DMD: variants seen among roughly 807,000 people sequenced by gnomAD.
DMD encodes mutant dystrophin.
DMD carries 63 observed loss-of-function variants against 330.1 expected under a neutral mutation model. The ratio of observed to expected loss-of-function variants is 0.19; its 90% confidence interval spans 0.16 to 0.24. The LOEUF is 0.24. Among genes scored for constraint, DMD ranks in the 10% least tolerant of loss-of-function variants. The probability of loss-of-function intolerance (pLI) is 1.00; values close to 1 mark genes in which losing one functional copy is unlikely to be tolerated. For missense variants in DMD, 3,344 were observed against 2,684.1 expected (o/e 1.25, Z -5.43); for synonymous variants, 1,223 against 959.8 (o/e 1.27, Z -5.07).
chrX:32,313,547 G>A (rs1244947248), intron 41 of DMD, among the ~76,000 whole-genome samples: 2 of 111,207 alleles, frequency 1.8e-5, no homozygotes, highest in Non-Finnish European at 3.8e-5. Flanking sequence ...GGAAGTCCTG[G>A]CCAGGGCAAT....
At chrX:31,304,112 A>G (rs1288646155) in intron 62 of DMD, among the ~76,000 whole-genome samples, 3 of 112,350 alleles carry the variant, frequency 2.7e-5, no homozygotes, top group Admixed American at 9.5e-5. Flanking sequence ...TTCTGAAAGC[A>G]GTAACAAGTA....
intron 47 of DMD, among the ~76,000 whole-genome samples, chrX:31,928,165 G>A (rs1359727755): frequency 9.0e-6 from 1 of 111,584 alleles, no homozygotes. Flanking sequence ...GACACAAAGT[G>A]GCAAATATAT....
chrX:31,830,361 G>A (rs759805216), intron 49 of DMD, among the ~76,000 whole-genome samples: 8 of 112,562 alleles, frequency 7.1e-5, no homozygotes, highest in Non-Finnish European at 1.5e-4. Context: ...TTGGGAGGCC[G>A]AGGCAGCCTG....
intron 44 of DMD, among the ~76,000 whole-genome samples, chrX:32,047,756 T>G (rs944447942): frequency 1.8e-5 from 2 of 111,290 alleles, no homozygotes; most frequent in African/African-American, 6.5e-5. Context: ...ATTATGTATT[T>G]CCATGAAATA....
At position 32,565,892 on chromosome X, in the gene DMD, A is replaced by C. The variant is rs1286504984; in HGVS notation, c.1813-11T>G. On this transcript the variant is annotated splice_polypyrimidine_tract_variant and intron_variant, in intron 15 of 78. Coordinates refer to ENST00000357033, the MANE Select transcript of DMD (RefSeq NM_004006.3). ...ATCCGCTTTTAAAACCTGTTAAAAC[A>C]AGAAAGATCACAGAATAAGCCTGGG... 1 of 1,201,509 alleles carries C rather than the reference A, an allele frequency of 8.3e-7. No homozygotes were observed. Among genetic ancestry groups the C allele is most frequent in the South Asian group, 1.8e-5 (1 of 56,454 alleles).
chrX:31,466,693 T>A (rs1021178862), intron 59 of DMD, among the ~76,000 whole-genome samples: 2 of 111,965 alleles, frequency 1.8e-5, no homozygotes, highest in Non-Finnish European at 3.8e-5. Context: ...TCTAATTATG[T>A]GAAGAAAGTC....
intron 21 of DMD, 94 bp downstream of exon 21, chrX:32,484,825 A>C: frequency 3.2e-6 from 3 of 930,973 alleles, no homozygotes; most frequent in Non-Finnish European, 4.5e-6. Flanking sequence ...TTCCATTTAC[A>C]GAAATTATTG....
At chrX:31,822,487 A>G (rs1243272351) in intron 49 of DMD, among the ~76,000 whole-genome samples, 1 of 111,670 alleles carries the variant, frequency 9.0e-6, no homozygotes, top group Admixed American at 9.5e-5. Context: ...CACAGAGTAG[A>G]TGGAAGTGTT....
intron 51 of DMD, among the ~76,000 whole-genome samples, chrX:31,755,473 C>T (rs2088987309): frequency 9.0e-6 from 1 of 111,568 alleles, no homozygotes; most frequent in African/African-American, 3.3e-5. Flanking sequence ...ACCTTTTATA[C>T]GGAGTATGAC....
intron 7 of DMD, among the ~76,000 whole-genome samples, chrX:32,723,036 C>G (rs749272923): frequency 1.8e-5 from 2 of 110,912 alleles, no homozygotes; most frequent in African/African-American, 6.5e-5. Flanking sequence ...AGTACAACCA[C>G]CCCACAACCA....
intron 44 of DMD, among the ~76,000 whole-genome samples, chrX:32,123,716 T>C (rs1412430176): frequency 4.5e-5 from 5 of 111,885 alleles, no homozygotes; most frequent in African/African-American, 1.3e-4. Flanking sequence ...TGAGCTCCTT[T>C]AAACATTGTG....
intron 9 of DMD, among the ~76,000 whole-genome samples, chrX:32,645,442 T>A (rs919297702): frequency 8.9e-6 from 1 of 112,281 alleles, no homozygotes; most frequent in South Asian, 3.6e-4. Flanking sequence ...GCTTTTTAAA[T>A]GCTATAAATA....
intron 60 of DMD, among the ~76,000 whole-genome samples, chrX:31,357,851 G>A (rs990785560): frequency 2.7e-5 from 3 of 111,592 alleles, no homozygotes; most frequent in Non-Finnish European, 3.8e-5. Flanking sequence ...TCAATAAACC[G>A]GAAGATCTCA....
chrX:32,972,613 A>T (rs748090650), intron 2 of DMD, among the ~76,000 whole-genome samples: 2 of 112,469 alleles, frequency 1.8e-5, no homozygotes, highest in South Asian at 7.3e-4. Flanking sequence ...GGGCTATTTT[A>T]TTCAGTAATA....
At chrX:31,690,616 G>A (rs1046905966) in intron 52 of DMD, among the ~76,000 whole-genome samples, 2 of 111,892 alleles carry the variant, frequency 1.8e-5, no homozygotes, top group Non-Finnish European at 3.8e-5. Context: ...TCCCATTACT[G>A]GGTATATACC....
At chrX:32,486,537 C>G (rs760348661) in intron 20 of DMD, among the ~76,000 whole-genome samples, 1 of 110,783 alleles carries the variant, frequency 9.0e-6, no homozygotes, top group South Asian at 3.8e-4. Context: ...GAGCCCGCAT[C>G]GCCAAGTCAA....
At chrX:32,017,777 C>A (rs2095775472) in intron 44 of DMD, among the ~76,000 whole-genome samples, 1 of 111,846 alleles carries the variant, frequency 8.9e-6, no homozygotes, top group Admixed American at 9.5e-5. Flanking sequence ...TTACTCAACT[C>A]ATTGTGTAAT....
At chrX:31,478,886 T>G in intron 58 of DMD, 97 bp downstream of exon 58, 1 of 943,883 alleles carries the variant, frequency 1.1e-6, no homozygotes. Context: ...CAAGAAAATA[T>G]GAGAGCTATC....
intron 44 of DMD, among the ~76,000 whole-genome samples, chrX:31,974,322 G>C (rs1242105467): frequency 1.8e-5 from 2 of 110,873 alleles, no homozygotes; most frequent in Non-Finnish European, 3.8e-5. Flanking sequence ...TAGGTACTAT[G>C]CTCACTGTTT....
Sources: gnomAD v4.1 joint callset for allele counts (sites outside exome capture counted in the v4.1 genomes callset) on GRCh38, gnomAD v4.1.1 for gene constraint, MANE v1.5 for transcripts, NCBI Gene and HGNC (gene_info 2026-07-23, HGNC 2026-07-21) for gene names.